The following ADAM23 variants were observed in gnomAD, a reference collection of about 807,000 sequenced individuals.
ADAM23 encodes disintegrin and metalloproteinase domain-containing protein 23.
A neutral mutation model predicts 120.1 loss-of-function variants in ADAM23; 33 were observed. The ratio of observed to expected loss-of-function variants is 0.27; its 90% CI spans 0.21 to 0.37. The LOEUF (loss-of-function observed/expected upper bound fraction) is 0.37. Ranked by LOEUF, ADAM23 falls within the 10% of genes least tolerant of loss-of-function variation. ADAM23 has a pLI of 1.00. For missense variants in ADAM23, 862 were observed against 1,058.2 expected, an observed-to-expected ratio of 0.81 and a Z score of 2.57; for synonymous variants, 367 against 375.2, an observed-to-expected ratio of 0.98 and a Z score of 0.25.
At chr2:206,464,384 G>A (rs1331455955) in intron 2 of ADAM23, among the ~76,000 whole-genome samples, 2 of 152,062 alleles carry the variant, frequency 1.3e-5, no homozygotes, top group African/African-American at 4.8e-5. Context: ...AGACCAGCCT[G>A]GCCAACATGG....
At chr2:206,573,410 A>G (rs1184393724) in intron 18 of ADAM23, among the ~76,000 whole-genome samples, 2 of 152,168 alleles carry the variant, frequency 1.3e-5, no homozygotes, top group Non-Finnish European at 2.9e-5. Context: ...GCCTGAAGGT[A>G]ATTTTATGTA....
chr2:206,574,000 G>A (rs917915282), intron 18 of ADAM23, among the ~76,000 whole-genome samples: 1 of 151,824 alleles, frequency 6.6e-6, no homozygotes, highest in Non-Finnish European at 1.5e-5. Context: ...AAGTAATTGC[G>A]GTTTTTGCCA....
chr2:206,562,758 G>C (rs925962495), intron 13 of ADAM23, among the ~76,000 whole-genome samples: 3 of 152,198 alleles, frequency 2.0e-5, no homozygotes, highest in Non-Finnish European at 4.4e-5. Context: ...GGAGAAAAAG[G>C]CTTTGCAAGG....
rs374524658 is a variant in ADAM23, at chr2:206,477,897, A to AAATATATATATATATATAT, written c.433-3334_433-3333insATATATATATATATATATA. Among the ~76,000 whole-genome samples, 139 of 93,502 alleles carry AAATATATATATATATATAT rather than the reference A, an allele frequency of 1.5e-3. 1 individual carries two copies. Among genetic ancestry groups the AAATATATATATATATATAT allele is most frequent in the Non-Finnish European group, 2.2e-3 (111 of 50,782 alleles). 61.3% of individuals were successfully genotyped at this position (93,502 alleles called of 152,430 possible). ...TATTCTGTTAAAAAAAAAAAAAAAAAATATATATATATATATATATATATA... is the reference window on the plus strand; with the variant it reads ...TATTCTGTTAAAAAAAAAAAAAAAAAAATATATATATATATATATATATATATATATATATATATATATA... On this transcript the variant is annotated intron_variant, in intron 2 of 25. Coordinates refer to ENST00000264377, the MANE Select transcript of ADAM23 (RefSeq NM_003812.4).
In ADAM23 at chr2:206,592,651, C is replaced by T; in HGVS notation, c.1993C>T (p.Leu665Phe). 1.2e-6 allele frequency: 2 copies of T among 1,613,816 alleles called. No individual in the cohort carries two copies. Among genetic ancestry groups the T allele is most frequent in the South Asian group, 2.2e-5 (2 of 91,048 alleles). ...VFCGFLLCTN[L>F]TRAPRIGQLQ... ...CTGTGGATTCTTACTCTGTACCAAT[C>T]TTACTCGAGCTCCACGTATTGGTCA... The change falls in exon 22 of 26, where the codon CTT (leucine) becomes TTT (phenylalanine). Residue 665 changes from leucine to phenylalanine, a missense_variant. By Grantham distance (22) the Leu-to-Phe change is conservative. Transcript: ENST00000264377.
intron 9 of ADAM23, among the ~76,000 whole-genome samples, chr2:206,555,846 A>G (rs1697631857): frequency 6.6e-6 from 1 of 152,206 alleles, no homozygotes; most frequent in Non-Finnish European, 1.5e-5. Context: ...GTGGAACTAG[A>G]ACATTTTCAT....
rs549680889 is a variant in ADAM23 at position 206,618,458 on chromosome 2, G to C, written c.*831G>C. 1 of 152,274 alleles carries C rather than the reference G, an allele frequency of 6.6e-6. No individual in the cohort carries two copies. The highest frequency in any genetic ancestry group is 1.9e-4 in the East Asian group (1 of 5,190). The allele number at this position is 152,274 out of a possible 1,614,324, so 9.4% of individuals were successfully genotyped here. On this transcript the variant is annotated 3_prime_UTR_variant, in exon 26 of 26. Transcript: ENST00000264377. ...TGTAAATATGGAAATAAGAGATTTT[G>C]ACACATCATTTTCACTTGTCTGTAT...
chr2:206,570,252 A>AT (rs973429391), intron 15 of ADAM23, among the ~76,000 whole-genome samples: 14 of 152,230 alleles, frequency 9.2e-5, no homozygotes, highest in African/African-American at 3.4e-4. Context: ...TTCTAGCAAC[A>AT]TTTTTTCCCC....
intron 2 of ADAM23, among the ~76,000 whole-genome samples, chr2:206,454,331 C>T (rs1022402336): frequency 4.6e-5 from 7 of 152,080 alleles, no homozygotes; most frequent in Non-Finnish European, 1.0e-4. Flanking sequence ...CATCAGCCCT[C>T]GTGAGAACTC....
chr2:206,527,913 T>G (rs958653192), intron 3 of ADAM23, among the ~76,000 whole-genome samples: 5 of 152,306 alleles, frequency 3.3e-5, no homozygotes, highest in African/African-American at 1.2e-4. Context: ...GAAAAGTAGC[T>G]GTTTTTCTTC....
At chr2:206,535,034 G>T (rs1697142887) in intron 4 of ADAM23, among the ~76,000 whole-genome samples, 1 of 149,352 alleles carries the variant, frequency 6.7e-6, no homozygotes, top group African/African-American at 2.5e-5. Context: ...TCTCTGAATT[G>T]TACTGTGGCC....
Position 206,548,446 on chromosome 2 carries a change from T to G in ADAM23, c.867+92T>G, listed in dbSNP as rs34288550. On this transcript the variant is annotated intron_variant, in intron 8 of 25. Coordinates refer to ENST00000264377, the MANE Select transcript of ADAM23 (RefSeq NM_003812.4). ...CATTATCTAAGTGTACCTAAAACAGTTCAGATTTTGGGGACTGTTGTTTAA... is the reference window on the plus strand; with the variant it reads ...CATTATCTAAGTGTACCTAAAACAGGTCAGATTTTGGGGACTGTTGTTTAA... 109,065 of 1,265,112 alleles carry G rather than the reference T, an allele frequency of 0.086. 5,471 individuals are homozygous for G. Among genetic ancestry groups the G allele is most frequent in the Middle Eastern group, 0.11 (564 of 5,214 alleles). The allele number at this position is 1,265,112 out of a possible 1,614,324, so 78.4% of individuals were successfully genotyped here. A position where few individuals can be genotyped will look rare whatever the true frequency, so the allele number is the denominator to read the frequency against.
chr2:206,534,150 C>A (rs1277403996), intron 4 of ADAM23, among the ~76,000 whole-genome samples: 1 of 152,048 alleles, frequency 6.6e-6, no homozygotes, highest in Non-Finnish European at 1.5e-5. Flanking sequence ...GAAACCACAC[C>A]ACCTGTTAAC....
intron 19 of ADAM23, 100 bp from the exon 20 acceptor site, chr2:206,587,991 A>C: frequency 1.6e-6 from 2 of 1,265,188 alleles, no homozygotes; most frequent in South Asian, 1.3e-5. Context: ...TATGAAATGA[A>C]AAAACTTTAT....
intron 24 of ADAM23, among the ~76,000 whole-genome samples, chr2:206,596,725 A>C (rs1389784327): frequency 6.6e-6 from 1 of 152,080 alleles, no homozygotes; most frequent in Admixed American, 6.6e-5. Context: ...GATTAGAAAG[A>C]GACTCAGGGG....
In ADAM23 at chr2:206,533,078, A is replaced by G. The variant is rs188809071; in HGVS notation, c.573+2130A>G. On this transcript the variant is annotated intron_variant, in intron 4 of 25. Transcript: ENST00000264377. Reference sequence around the variant, plus strand: ...ATAAACTTCATGAAGATTGTCTTTTATGCTGCTTCAGAAAATCTTTGTACA... The same window carrying G: ...ATAAACTTCATGAAGATTGTCTTTTGTGCTGCTTCAGAAAATCTTTGTACA... Among the ~76,000 whole-genome samples, 166 of 152,302 alleles carry G rather than the reference A, an allele frequency of 1.1e-3. 1 individual carries two copies. The highest frequency in any genetic ancestry group is 3.8e-3 in the African/African-American group (159 of 41,578).
chr2:206,613,282 C>T (rs1055871122), intron 25 of ADAM23, among the ~76,000 whole-genome samples: 6 of 152,180 alleles, frequency 3.9e-5, no homozygotes, highest in African/African-American at 1.4e-4. Context: ...AGGTCTGGAA[C>T]TTCCAACCTC....
chr2:206,450,519 A>G (rs1695171479), intron 2 of ADAM23, among the ~76,000 whole-genome samples: 1 of 152,202 alleles, frequency 6.6e-6, no homozygotes, highest in Non-Finnish European at 1.5e-5. Context: ...CTAAAATTCA[A>G]AAGGACCCTC....
chr2:206,453,496 C>T (rs1695237466), intron 2 of ADAM23, among the ~76,000 whole-genome samples: 1 of 152,124 alleles, frequency 6.6e-6, no homozygotes, highest in Admixed American at 6.5e-5. Flanking sequence ...ACCCTTTAAC[C>T]TTATGAAAGA....
Sources: gnomAD v4.1 joint callset for allele counts (sites outside exome capture counted in the v4.1 genomes callset) on GRCh38, gnomAD v4.1.1 for gene constraint, MANE v1.5 for transcripts, NCBI Gene and HGNC (gene_info 2026-07-23, HGNC 2026-07-21) for gene names.